C1orf185: variants seen among roughly 807,000 people sequenced by gnomAD.
C1orf185 encodes uncharacterized protein C1orf185.
A neutral mutation model predicts 16.1 loss-of-function variants in C1orf185; 13 were observed. The ratio of observed to expected loss-of-function variants is 0.81; its 90% confidence interval spans 0.53 to 1.28. The LOEUF (loss-of-function observed/expected upper bound fraction) is 1.28. Among genes scored for constraint, C1orf185 ranks in the 50% most tolerant of loss-of-function variants. The probability of loss-of-function intolerance (pLI) is 0.00; values close to 1 mark genes in which losing one functional copy is unlikely to be tolerated. For synonymous variants in C1orf185, 80 were observed against 76.9 expected (o/e 1.04, Z -0.21); for missense variants, 220 against 225.2 (o/e 0.98, Z 0.15).
chr1:51,131,697 G>A (rs1176884873), intron 3 of C1orf185, among the ~76,000 whole-genome samples: 3 of 152,216 alleles, frequency 2.0e-5, no homozygotes, highest in Non-Finnish European at 2.9e-5. Context: ...TGTCATTAGA[G>A]TAAGAGCAAT....
intron 3 of C1orf185, among the ~76,000 whole-genome samples, chr1:51,134,702 A>G (rs1038862494): frequency 6.6e-6 from 1 of 152,248 alleles, no homozygotes; most frequent in African/African-American, 2.4e-5. Context: ...ACAAATAACC[A>G]TCAGAGAATA....
At chr1:51,105,157 G>A (rs113760213) in intron 1 of C1orf185, among the ~76,000 whole-genome samples, 63 of 151,694 alleles carry the variant, frequency 4.2e-4, no homozygotes, top group Non-Finnish European at 8.1e-4. Flanking sequence ...AGTAGAGATG[G>A]GGTTTCACCA....
At chr1:51,103,488 T>TA (rs1463437417) in intron 1 of C1orf185, among the ~76,000 whole-genome samples, 1 of 149,596 alleles carries the variant, frequency 6.7e-6, no homozygotes, top group Non-Finnish European at 1.5e-5. Flanking sequence ...GAGTCTTGCT[T>TA]TATGGCCTGA....
chr1:51,148,405 G>T (rs908984598), downstream of C1orf185, among the ~76,000 whole-genome samples: 1 of 152,176 alleles, frequency 6.6e-6, no homozygotes, highest in Admixed American at 6.5e-5. Context: ...TTACAGGCAT[G>T]AGCCACTGCG....
chr1:51,124,078 T>C (rs538652636), intron 3 of C1orf185, among the ~76,000 whole-genome samples: 3 of 148,158 alleles, frequency 2.0e-5, no homozygotes, highest in East Asian at 1.9e-4. Context: ...TTCACTGTAG[T>C]TTGTTTTTTT....
At chr1:51,124,296 G>C (rs1045114635) in intron 3 of C1orf185, among the ~76,000 whole-genome samples, 3 of 152,146 alleles carry the variant, frequency 2.0e-5, no homozygotes, top group Non-Finnish European at 4.4e-5. Flanking sequence ...TGGCCAGCCT[G>C]GTCTTGAACT....
chr1:51,128,411 G>A (rs534723187), intron 3 of C1orf185, among the ~76,000 whole-genome samples: 2 of 117,470 alleles, frequency 1.7e-5, no homozygotes, highest in Admixed American at 1.5e-4. Context: ...TGGGTGTAAA[G>A]CCAGGCACAG....
chr1:51,102,566 C>T (rs1646040298), intron 1 of C1orf185, among the ~76,000 whole-genome samples: 1 of 152,004 alleles, frequency 6.6e-6, no homozygotes, highest in Non-Finnish European at 1.5e-5. Context: ...AGCATAAATT[C>T]ATTGAAAGTA....
intron 3 of C1orf185, among the ~76,000 whole-genome samples, chr1:51,142,569 C>T: frequency 6.6e-6 from 1 of 152,150 alleles, no homozygotes; most frequent in East Asian, 1.9e-4. Flanking sequence ...TTCAATTTCT[C>T]TGGTAGACAT....
intron 3 of C1orf185, among the ~76,000 whole-genome samples, chr1:51,141,165 G>C (rs1388980974): frequency 6.6e-6 from 1 of 152,316 alleles, no homozygotes; most frequent in African/African-American, 2.4e-5. Context: ...CTGAAGTTTT[G>C]CTATGTTGAA....
chr1:51,124,665 T>C (rs1011228164), intron 3 of C1orf185, among the ~76,000 whole-genome samples: 1 of 152,212 alleles, frequency 6.6e-6, no homozygotes, highest in Non-Finnish European at 1.5e-5. Context: ...AGGAATGGAT[T>C]ACTTAGAACT....
downstream of C1orf185, among the ~76,000 whole-genome samples, chr1:51,150,840 G>A (rs944712156): frequency 6.6e-6 from 1 of 152,176 alleles, no homozygotes; most frequent in African/African-American, 2.4e-5. Context: ...GTGAAAGAGG[G>A]TCAAGATAAT....
intron 1 of C1orf185, among the ~76,000 whole-genome samples, chr1:51,108,039 A>G (rs751111398): frequency 6.6e-6 from 1 of 152,200 alleles, no homozygotes; most frequent in African/African-American, 2.4e-5. Flanking sequence ...GTAAGTATGC[A>G]TGTGTTCAGC....
downstream of C1orf185, among the ~76,000 whole-genome samples, chr1:51,150,672 T>C (rs1319395004): frequency 6.6e-6 from 1 of 152,218 alleles, no homozygotes; most frequent in East Asian, 1.9e-4. Context: ...ATTTCACTCT[T>C]TATGCAAGCT....
chr1:51,104,812 T>C (rs1332225620), intron 1 of C1orf185, among the ~76,000 whole-genome samples: 1 of 152,176 alleles, frequency 6.6e-6, no homozygotes, highest in East Asian at 1.9e-4. Context: ...TAGAAAACTG[T>C]TTTTGCATTG....
At chr1:51,130,846 T>G (rs1646277976) in intron 3 of C1orf185, among the ~76,000 whole-genome samples, 2 of 152,204 alleles carry the variant, frequency 1.3e-5, no homozygotes, top group Non-Finnish European at 2.9e-5. Flanking sequence ...TCAAGATTAT[T>G]TTGACTATCA....
intron 3 of C1orf185, among the ~76,000 whole-genome samples, chr1:51,137,223 G>A (rs924868021): frequency 2.6e-5 from 4 of 152,100 alleles, no homozygotes; most frequent in East Asian, 1.9e-4. Flanking sequence ...CATCTCACCA[G>A]TCAGAATGGC....
At chr1:51,107,075 A>G (rs1192685981) in intron 1 of C1orf185, 2 of 152,106 alleles carry the variant, frequency 1.3e-5, no homozygotes, top group Non-Finnish European at 2.9e-5. Flanking sequence ...TAATTTTTTT[A>G]AAGAAATGAA....
At chr1:51,119,207 C>T (rs114563063) in intron 3 of C1orf185, among the ~76,000 whole-genome samples, 54 of 152,210 alleles carry the variant, frequency 3.5e-4, no homozygotes, top group African/African-American at 1.2e-3. Flanking sequence ...ATATTCCAAG[C>T]TCCTCTGGGC....
Sources: gnomAD v4.1 joint callset for allele counts (sites outside exome capture counted in the v4.1 genomes callset) on GRCh38, gnomAD v4.1.1 for gene constraint, MANE v1.5 for transcripts, NCBI Gene and HGNC (gene_info 2026-07-23, HGNC 2026-07-21) for gene names.